The following C9orf153 variants were observed in gnomAD, a reference collection of about 807,000 sequenced individuals.
C9orf153 encodes uncharacterized protein C9orf153.
Under a neutral mutation model 9.0 loss-of-function variants are expected in C9orf153, and 10 were observed. The ratio of observed to expected loss-of-function variants is 1.11; its 90% CI spans 0.69 to 1.89. The LOEUF (loss-of-function observed/expected upper bound fraction) is 1.89, where lower values mean the gene tolerates loss of function less well. C9orf153 is among the 40% of genes most tolerant of loss of function. The probability of loss-of-function intolerance (pLI) is 0.00; values close to 1 mark genes in which losing one functional copy is unlikely to be tolerated. For synonymous variants in C9orf153, 35 were observed against 37.3 expected (o/e 0.94, Z 0.23); for missense variants, 108 against 111.0 (o/e 0.97, Z 0.12).
chr9:86,236,377 TGTC>T (rs1232030044), intron 1 of C9orf153, among the ~76,000 whole-genome samples: 3 of 151,666 alleles, frequency 2.0e-5, no homozygotes, highest in Non-Finnish European at 4.4e-5. Context: ...GGTGAAACCG[TGTC>T]TCAACTAAAA....
chr9:86,241,421 T>C (rs765574216), intron 1 of C9orf153, among the ~76,000 whole-genome samples: 13 of 152,084 alleles, frequency 8.5e-5, no homozygotes, highest in Non-Finnish European at 1.8e-4. Context: ...ATAGCTTTGG[T>C]TGTGGGAGGG....
chr9:86,253,832 C>G (rs1178424519), intron 1 of C9orf153, among the ~76,000 whole-genome samples: 1 of 152,188 alleles, frequency 6.6e-6, no homozygotes, highest in African/African-American at 2.4e-5. Flanking sequence ...TGGCTCATGC[C>G]TGTAATCCCA....
chr9:86,241,875 C>G, intron 1 of C9orf153, among the ~76,000 whole-genome samples: 1 of 152,350 alleles, frequency 6.6e-6, no homozygotes, highest in South Asian at 2.1e-4. Flanking sequence ...ATCCTCCCCT[C>G]TTGGCCTCCC....
At chr9:86,257,525 C>A (rs1283974220) in intron 1 of C9orf153, among the ~76,000 whole-genome samples, 1 of 152,188 alleles carries the variant, frequency 6.6e-6, no homozygotes, top group Non-Finnish European at 1.5e-5. Flanking sequence ...CCTGCCTGGT[C>A]TTTCCCCAAA....
chr9:86,248,112 T>C (rs1824909212), intron 1 of C9orf153, among the ~76,000 whole-genome samples: 1 of 152,108 alleles, frequency 6.6e-6, no homozygotes, highest in African/African-American at 2.4e-5. Flanking sequence ...GCACTTTATT[T>C]ATTTTTTCTA....
intron 1 of C9orf153, among the ~76,000 whole-genome samples, chr9:86,254,787 T>G (rs1825076048): frequency 2.6e-5 from 4 of 152,198 alleles, no homozygotes; most frequent in Admixed American, 2.6e-4. Context: ...CCGGGCACAG[T>G]GGCTCACACC....
At chr9:86,243,415 T>C (rs558479164) in intron 1 of C9orf153, among the ~76,000 whole-genome samples, 3 of 152,250 alleles carry the variant, frequency 2.0e-5, no homozygotes, top group Non-Finnish European at 4.4e-5. Context: ...TCCCCAGTTC[T>C]GGCCATAGAG....
At chr9:86,235,978 T>C (rs1331484138) in intron 1 of C9orf153, among the ~76,000 whole-genome samples, 1 of 151,954 alleles carries the variant, frequency 6.6e-6, no homozygotes, top group African/African-American at 2.4e-5. Context: ...GAACATCAAA[T>C]AGGTTAAATG....
rs1439303205 is a variant in C9orf153, at chr9:86,221,648, G to T, written c.*40C>A. 3.2e-6 allele frequency: 5 copies of T among 1,541,502 alleles called. No individual in the cohort carries two copies. Among genetic ancestry groups the T allele is most frequent in the Non-Finnish European group, 4.4e-6 (5 of 1,142,954 alleles). On this transcript the variant is annotated 3_prime_UTR_variant, in exon 4 of 4. Coordinates refer to ENST00000339137, the MANE Select transcript of C9orf153 (RefSeq NM_001276366.4). ...TCTCAGTGTTGTATTTTATGTCTCC[G>T]AATGAAATTGCAGTAGTGCGCCTCC...
chr9:86,221,499 A>G lies in C9orf153; in HGVS notation c.*189T>C, dbSNP rs1248812564. ...CGTCCAAAATATTTTAATACACTAC[A>G]TATTCCATTTAAGAGAATAACTTCC... On this transcript the variant is annotated 3_prime_UTR_variant, in exon 4 of 4. Coordinates refer to ENST00000339137, the MANE Select transcript of C9orf153 (RefSeq NM_001276366.4). 7.4e-6 allele frequency: 10 copies of G among 1,351,636 alleles called. No homozygotes were observed. Among genetic ancestry groups the G allele is most frequent in the Admixed American group, 3.5e-5 (1 of 28,380 alleles). The allele number at this position is 1,351,636 out of a possible 1,614,324, so 83.7% of individuals were successfully genotyped here. A position where few individuals can be genotyped will look rare whatever the true frequency, so the allele number is the denominator to read the frequency against.
intron 2 of C9orf153, chr9:86,228,834 T>A (rs1261817226): frequency 1.0e-5 from 2 of 193,480 alleles, no homozygotes; most frequent in Non-Finnish European, 2.3e-5. Flanking sequence ...CGTGGGAAAG[T>A]AGAAGGGACT....
chr9:86,250,050 C>T (rs1427362981), intron 1 of C9orf153, among the ~76,000 whole-genome samples: 1 of 151,836 alleles, frequency 6.6e-6, no homozygotes, highest in African/African-American at 2.4e-5. Flanking sequence ...TTTATGGGGA[C>T]AGTAAAAGAT....
intron 1 of C9orf153, among the ~76,000 whole-genome samples, chr9:86,234,857 T>G (rs1205885054): frequency 3.9e-5 from 6 of 152,052 alleles, no homozygotes; most frequent in Non-Finnish European, 8.8e-5. Flanking sequence ...AATCAGCAAT[T>G]AAAAGACAAC....
chr9:86,255,908 C>T (rs73650942), intron 1 of C9orf153, among the ~76,000 whole-genome samples: 108 of 152,286 alleles, frequency 7.1e-4, no homozygotes, highest in African/African-American at 2.6e-3. Context: ...TTATATTTTG[C>T]TCAGGGGACT....
At position 86,220,397 on chromosome 9, in the gene C9orf153, G is replaced by A. The variant is rs559774581; in HGVS notation, c.*1291C>T. The A allele has an allele frequency of 2.1e-4, 32 of 151,938 alleles. No homozygotes were observed. The highest frequency in any genetic ancestry group is 4.3e-4 in the Non-Finnish European group (29 of 67,980). The allele number at this position is 151,938 out of a possible 1,614,324, so 9.4% of individuals were successfully genotyped here. A position where few individuals can be genotyped will look rare whatever the true frequency, so the allele number is the denominator to read the frequency against. On this transcript the variant is annotated 3_prime_UTR_variant, in exon 4 of 4. Transcript: ENST00000339137. ...TTTATTAGTAGTTTTTTTTAAGCAAGGGATTATGGATAGTAAACATTTTTA... is the reference window on the plus strand; with the variant it reads ...TTTATTAGTAGTTTTTTTTAAGCAAAGGATTATGGATAGTAAACATTTTTA...
At chr9:86,257,545 G>A (rs759314975) in intron 1 of C9orf153, among the ~76,000 whole-genome samples, 22 of 152,160 alleles carry the variant, frequency 1.4e-4, no homozygotes, top group Non-Finnish European at 2.8e-4. Context: ...AATGCCTAAT[G>A]GACTTTCCTG....
At chr9:86,246,782 C>T (rs1417777086) in intron 1 of C9orf153, among the ~76,000 whole-genome samples, 4 of 152,180 alleles carry the variant, frequency 2.6e-5, no homozygotes, top group African/African-American at 9.7e-5. Flanking sequence ...GAATCCCTTC[C>T]CTCCAACCAC....
At position 86,221,662 on chromosome 9, in the gene C9orf153, T is replaced by C. The variant is rs1824205944; in HGVS notation, c.*26A>G. On this transcript the variant is annotated 3_prime_UTR_variant, in exon 4 of 4. Coordinates refer to ENST00000339137, the MANE Select transcript of C9orf153 (RefSeq NM_001276366.4). Reference sequence around the variant, plus strand: ...TTTATGTCTCCGAATGAAATTGCAGTAGTGCGCCTCCACTTCGCAAGCCCC... The same window carrying C: ...TTTATGTCTCCGAATGAAATTGCAGCAGTGCGCCTCCACTTCGCAAGCCCC... 1.3e-6 allele frequency: 2 copies of C among 1,547,324 alleles called. No homozygotes were observed. The highest frequency in any genetic ancestry group is 1.7e-6 in the Non-Finnish European group (2 of 1,145,666).
At chr9:86,251,868 C>T (rs12339816) in intron 1 of C9orf153, among the ~76,000 whole-genome samples, 84,018 of 150,542 alleles carry the variant, frequency 0.56, 26,046 homozygotes, top group East Asian at 0.9. Flanking sequence ...TTCCAGGTAG[C>T]ATTAACAAGA....
Sources: allele counts gnomAD v4.1 joint callset (sites outside exome capture counted in the v4.1 genomes callset), GRCh38; gene constraint gnomAD v4.1.1; transcripts MANE v1.5; gene names NCBI Gene and HGNC (gene_info 2026-07-23, HGNC 2026-07-21).